DHX8: variants seen among roughly 807,000 people sequenced by gnomAD.
The protein encoded by DHX8 is DEAH-box helicase 8.
DHX8 carries 67 observed loss-of-function variants against 140.7 expected under a neutral mutation model. The observed-to-expected ratio is 0.48, with a 90% confidence interval of 0.39 to 0.58. The LOEUF is 0.58. Among genes scored for constraint, DHX8 ranks in the 20% least tolerant of loss-of-function variants. The probability of loss-of-function intolerance (pLI) is 0.00; values close to 1 mark genes in which losing one functional copy is unlikely to be tolerated. For synonymous variants in DHX8, 533 were observed against 553.2 expected, an observed-to-expected ratio of 0.96 and a Z score of 0.51; for missense variants, 887 against 1,550.7, an observed-to-expected ratio of 0.57 and a Z score of 7.19.
At chr17:43,486,151 A>G (rs1412878339) in intron 1 of DHX8, among the ~76,000 whole-genome samples, 1 of 151,780 alleles carries the variant, frequency 6.6e-6, no homozygotes, top group Non-Finnish European at 1.5e-5. Flanking sequence ...AAATCACATC[A>G]CTGCACTCCA....
chr17:43,500,057 T>C lies in DHX8; in HGVS notation c.1500T>C (p.Ser500=), dbSNP rs1969092797. The change falls in exon 11 of 23, where the codon TCT becomes TCC. Residue 500 remains serine, a synonymous_variant. Coordinates refer to ENST00000262415, the MANE Select transcript of DHX8 (RefSeq NM_004941.3). ...KQAQREAEMD[S]IPMGLNKHWV... ...CCCAGCGGGAAGCTGAGATGGATTC[T>C]ATTCCCATGGGACTCAACAAACACT... 6.2e-7 allele frequency: 1 copy of C among 1,614,216 alleles called. No homozygotes were observed. Among genetic ancestry groups the C allele is most frequent in the South Asian group, 1.1e-5 (1 of 91,088 alleles).
intron 20 of DHX8, 58 bp from the exon 21 acceptor site, chr17:43,521,311 C>T (rs1011907631): frequency 1.4e-6 from 2 of 1,446,312 alleles, no homozygotes; most frequent in African/African-American, 2.8e-5. Flanking sequence ...TAGAATTGCT[C>T]CATGTTCAGT....
downstream of DHX8, among the ~76,000 whole-genome samples, chr17:43,527,007 G>A (rs1050318168): frequency 2.6e-5 from 4 of 152,086 alleles, no homozygotes; most frequent in African/African-American, 7.2e-5. Context: ...TATTTAACAG[G>A]AGAGCACCGG....
chr17:43,495,086 T>C lies in DHX8; in HGVS notation c.1213-1095T>C, dbSNP rs570004417. Among the ~76,000 whole-genome samples the C allele has an allele frequency of 2.0e-3, 307 of 152,212 alleles. 2 individuals are homozygous for C. The Middle Eastern group carries it at 0.037, about 19-fold the overall frequency. On this transcript the variant is annotated intron_variant, in intron 8 of 22. Transcript: ENST00000262415. ...ACCTCGGCCTCCCAAAGTGCTGGGA[T>C]TACAGGCGTGAGCCACTGTGCCCAG...
chr17:43,509,284 G>C lies in DHX8; in HGVS notation c.2502+764G>C, dbSNP rs190855148. On this transcript the variant is annotated intron_variant, in intron 16 of 22. Coordinates refer to ENST00000262415, the MANE Select transcript of DHX8 (RefSeq NM_004941.3). ...AGGGGACAAGCATTCTAAGGACACAGAACTATCTGTGATGGCCTGGAGACG... is the reference window on the plus strand; with the variant it reads ...AGGGGACAAGCATTCTAAGGACACACAACTATCTGTGATGGCCTGGAGACG... Among the ~76,000 whole-genome samples the C allele has an allele frequency of 4.5e-4, 68 of 152,274 alleles. No individual in the cohort carries two copies. In the East Asian group the frequency reaches 0.012, roughly 28 times the overall value.
At position 43,532,902 on chromosome 17, in the gene DHX8, A is replaced by T. The variant is rs150119757; in HGVS notation, c.351-3510A>T. The T allele has an allele frequency of 8.8e-3, 13,960 of 1,594,442 alleles. 91 individuals are homozygous for T. The highest frequency in any genetic ancestry group is 0.016 in the Middle Eastern group (94 of 5,968). On this transcript the variant is annotated intron_variant, in intron 2 of 3. Coordinates refer to the DHX8 transcript ENST00000589898. The stretch of plus-strand genomic sequence containing the variant: ...TCCCGGCCCCCTCCCTGAGATGTGA[A>T]GGAGTGGCAAATGTCCAGGGGCTGC...
intron 3 of DHX8, 141 bp downstream of exon 3, chr17:43,490,604 G>A (rs545866151): frequency 1.0e-5 from 7 of 690,724 alleles, no homozygotes; most frequent in South Asian, 3.9e-5. Context: ...TGGGCCTAGC[G>A]GCTCACTGCT....
intron 4 of DHX8, 60 bp downstream of exon 4, chr17:43,491,310 G>A (rs1437809420): frequency 1.1e-6 from 1 of 915,094 alleles, no homozygotes; most frequent in Non-Finnish European, 1.6e-6. Context: ...CCTTTTCTTT[G>A]TCTCATAGTA....
downstream of DHX8, chr17:43,526,722 G>A (rs1471449380): frequency 1.2e-5 from 17 of 1,429,314 alleles, no homozygotes; most frequent in African/African-American, 7.1e-5. Flanking sequence ...GGTTTCCACC[G>A]ATTTTTACAC....
Position 43,504,743 on chromosome 17 carries a change from C to T in DHX8, c.1646C>T (p.Ser549Phe). The T allele has an allele frequency of 6.2e-7, 1 of 1,614,076 alleles. No homozygotes were observed. The highest frequency in any genetic ancestry group is 8.5e-7 in the Non-Finnish European group (1 of 1,180,016). ...KKHAFGGNKASYGKKTQMSIL... is the reference protein window; with the variant it reads ...KKHAFGGNKAFYGKKTQMSIL... Reference sequence around the variant, plus strand: ...CATGCCTTTGGGGGCAACAAAGCCTCTTACGGAAAAAAGACCCAGATGTCA... The same window carrying T: ...CATGCCTTTGGGGGCAACAAAGCCTTTTACGGAAAAAAGACCCAGATGTCA... The change falls in exon 12 of 23, where the codon TCT (serine) becomes TTT (phenylalanine). Residue 549 changes from serine to phenylalanine, a missense_variant. Ser to Phe is a radical substitution (Grantham distance 155). Coordinates refer to ENST00000262415, the MANE Select transcript of DHX8 (RefSeq NM_004941.3).
chr17:43,528,869 A>T, downstream of DHX8: 1 of 766,762 alleles, frequency 1.3e-6, no homozygotes, highest in Non-Finnish European at 2.1e-6. Flanking sequence ...TTTCTCTCCC[A>T]TGCTGGTTCC....
At chr17:43,541,026 C>A (rs1971494553) in intron 3 of DHX8, among the ~76,000 whole-genome samples, 1 of 152,154 alleles carries the variant, frequency 6.6e-6, no homozygotes, top group African/African-American at 2.4e-5. Context: ...TCTTGCCTTT[C>A]TTCCTGCCTC....
At chr17:43,506,848 A>G (rs111435656) in intron 12 of DHX8, among the ~76,000 whole-genome samples, 155 bp from the exon 13 acceptor site, 3,052 of 152,200 alleles carry the variant, frequency 0.02, 102 homozygotes, top group African/African-American at 0.069. Flanking sequence ...CTTTAACTAT[A>G]TGTGTATATT....
chr17:43,506,592 A>T (rs747038441), intron 12 of DHX8, among the ~76,000 whole-genome samples: 29 of 150,284 alleles, frequency 1.9e-4, no homozygotes, highest in Non-Finnish European at 3.8e-4. Flanking sequence ...GCACTCCAGC[A>T]TGGGCGACAG....
chr17:43,532,751 C>T, intron 2 of DHX8: 1 of 1,614,096 alleles, frequency 6.2e-7, no homozygotes, highest in Non-Finnish European at 8.5e-7. Context: ...ATTGACCCCA[C>T]CCTGGTCCAC....
intron 1 of DHX8, 61 bp downstream of exon 1, chr17:43,484,246 G>C: frequency 6.4e-7 from 1 of 1,561,840 alleles, no homozygotes; most frequent in Non-Finnish European, 8.8e-7. Context: ...AAGGAGGAAG[G>C]AGGAAGGAGA....
rs1433090524 is a variant in DHX8, at chr17:43,507,207, T to C, written c.1923+10T>C. ...TTGCTTAGGCCAAGAGGTAAGTAGATAGTGGAGTCGCTCGAAAAATACCAG... is the reference window on the plus strand; with the variant it reads ...TTGCTTAGGCCAAGAGGTAAGTAGACAGTGGAGTCGCTCGAAAAATACCAG... On this transcript the variant is annotated intron_variant, in intron 13 of 22. Transcript: ENST00000262415. The C allele has an allele frequency of 1.9e-6, 3 of 1,592,750 alleles. No individual in the cohort carries two copies. Among genetic ancestry groups the C allele is most frequent in the African/African-American group, 1.4e-5 (1 of 74,046 alleles).
intron 19 of DHX8, among the ~76,000 whole-genome samples, chr17:43,520,536 A>C (rs1453039404): frequency 6.6e-6 from 1 of 152,234 alleles, no homozygotes; most frequent in Non-Finnish European, 1.5e-5. Flanking sequence ...CATCTACCCC[A>C]ACAGTAGTTA....
chr17:43,531,319 CCTT>C (rs1970924737), downstream of DHX8, among the ~76,000 whole-genome samples: 1 of 152,224 alleles, frequency 6.6e-6, no homozygotes, highest in South Asian at 2.1e-4. Flanking sequence ...GACTGGCCCT[CCTT>C]CGGCCCTTGA....
Sources: allele counts gnomAD v4.1 joint callset (sites outside exome capture counted in the v4.1 genomes callset), GRCh38; gene constraint gnomAD v4.1.1; transcripts MANE v1.5; gene names NCBI Gene and HGNC (gene_info 2026-07-23, HGNC 2026-07-21).